The following NRL variants were observed in gnomAD, a reference collection of about 807,000 sequenced individuals.
NRL encodes the protein neural retina-specific leucine zipper protein.
In NRL, 16 loss-of-function variants were observed where a neutral mutation model predicts 12.5. That is an observed-to-expected ratio of 1.28 (90% confidence interval 0.87 to 1.95). NRL has a LOEUF of 1.95. Among genes scored for constraint, NRL ranks in the 30% most tolerant of loss-of-function variants. The pLI is 0.00. For synonymous variants in NRL, 142 were observed against 150.9 expected (o/e 0.94, Z 0.43); for missense variants, 314 against 325.8 (o/e 0.96, Z 0.28).
In NRL at chr14:24,110,119, CT is replaced by C. The variant is rs563374411; in HGVS notation, c.-28+4602del. On this transcript the variant is annotated intron_variant, in intron 1 of 2. Transcript: ENST00000561028. The stretch of plus-strand genomic sequence containing the variant: ...ATGTAATGAGCTGGGTATTATTATA[CT>C]TTTTTTTTTTTTCTTTGAGACGGGG... Among the ~76,000 whole-genome samples, 460 of 146,136 alleles carry C rather than the reference CT, an allele frequency of 3.1e-3. 1 individual carries two copies. The highest frequency in any genetic ancestry group is 8.6e-3 in the African/African-American group (344 of 40,152).
At chr14:24,089,442 C>T (rs999379019) in intron 1 of NRL, among the ~76,000 whole-genome samples, 3 of 151,754 alleles carry the variant, frequency 2.0e-5, no homozygotes, top group Non-Finnish European at 4.4e-5. Flanking sequence ...GAAGAAGTCT[C>T]ACTATGTTGT....
chr14:24,087,418 A>G (rs1566564119), intron 1 of NRL, among the ~76,000 whole-genome samples: 1 of 152,176 alleles, frequency 6.6e-6, no homozygotes, highest in Non-Finnish European at 1.5e-5. Context: ...ACCATGGGGA[A>G]AGAGGGGCAG....
intron 1 of NRL, chr14:24,084,793 T>G: frequency 1.2e-6 from 1 of 828,770 alleles, no homozygotes; most frequent in Non-Finnish European, 1.5e-6. Flanking sequence ...GTGTGCTTAT[T>G]CTCAAAGAAG....
intron 1 of NRL, chr14:24,099,314 C>A (rs1313396879): frequency 2.2e-6 from 3 of 1,376,260 alleles, no homozygotes; most frequent in African/African-American, 2.8e-5. Flanking sequence ...CTCAGCCTCA[C>A]CTCCCTCCTG....
chr14:24,100,164 T>C, intron 1 of NRL: 10 of 1,614,104 alleles, frequency 6.2e-6, no homozygotes, highest in Non-Finnish European at 6.8e-6. Context: ...ACCAGCCTCT[T>C]CCACCTGGTG....
rs111746269 is a variant in NRL at position 24,079,564 on chromosome 14, C to T, written c.*1672G>A. Among the ~76,000 whole-genome samples, 16 of 147,692 alleles carry T rather than the reference C, an allele frequency of 1.1e-4. No homozygotes were observed. Among genetic ancestry groups the T allele is most frequent in the African/African-American group, 3.5e-4 (14 of 39,736 alleles). On this transcript the variant is annotated 3_prime_UTR_variant, in exon 3 of 3. Transcript: ENST00000561028. ...AGGACTCCCATTGCAGGCTCCTAAG[C>T]GGAGGAGGGATGAGCTGGGATAGAG...
At chr14:24,109,288 G>T (rs994052084) in intron 1 of NRL, among the ~76,000 whole-genome samples, 1 of 152,098 alleles carries the variant, frequency 6.6e-6, no homozygotes, top group Non-Finnish European at 1.5e-5. Flanking sequence ...TTAAAGATAT[G>T]CCATTTTATT....
At chr14:24,110,749 C>T (rs1248639109) in intron 1 of NRL, among the ~76,000 whole-genome samples, 3 of 152,046 alleles carry the variant, frequency 2.0e-5, no homozygotes, top group Non-Finnish European at 4.4e-5. Context: ...TATGCATGTC[C>T]GGCCTAGATT....
In NRL at chr14:24,094,855, C is replaced by T. The variant is rs184974121; in HGVS notation, c.-27-11980G>A. 8.4e-5 allele frequency: 110 copies of T among 1,306,650 alleles called. No individual in the cohort carries two copies. In the African/African-American group the frequency reaches 1.6e-3, roughly 19 times the overall value. The allele number at this position is 1,306,650 out of a possible 1,614,324, so 80.9% of individuals were successfully genotyped here. A position where few individuals can be genotyped will look rare whatever the true frequency, so the allele number is the denominator to read the frequency against. On this transcript the variant is annotated intron_variant, in intron 1 of 2. Transcript: ENST00000561028. This position sits in a 1 kb window ranked among gnomAD's most constrained non-coding sequence, Gnocchi z 4.1. ...GGCCCTGGGGACAAGGGTACGTGAG[C>T]CCCGGGAGACTAAGCTCAGAGCCCC...
intron 1 of NRL, among the ~76,000 whole-genome samples, chr14:24,090,266 G>A (rs1247943791): frequency 3.7e-4 from 1 of 2,706 alleles, no homozygotes; most frequent in African/African-American, 4.4e-4. Context: ...TGGTTTACTC[G>A]GGGGGGGGGG....
At chr14:24,084,648 C>G (rs1223974472) in intron 1 of NRL, 2 of 985,278 alleles carry the variant, frequency 2.0e-6, no homozygotes, top group African/African-American at 3.5e-5. Context: ...GGCACAGAGC[C>G]CAAAGGGCAT....
rs556188574 is a variant in NRL, at chr14:24,104,411, C to T, written c.-28+10311G>A. 1.4e-4 allele frequency among the ~76,000 whole-genome samples: 21 copies of T among 150,582 alleles called. 1 individual carries two copies. The South Asian group carries it at 3.1e-3, about 23-fold the overall frequency. ...TTGGGAGGCTGAGGCGCACAGATCA[C>T]GAGGTCAGGGGATTGAGACCATCCG... On this transcript the variant is annotated intron_variant, in intron 1 of 2. Transcript: ENST00000561028.
intron 1 of NRL, among the ~76,000 whole-genome samples, chr14:24,113,415 C>CG (rs2037457876): frequency 6.6e-6 from 1 of 151,912 alleles, no homozygotes; most frequent in African/African-American, 2.4e-5. Context: ...TCTGGGAGAA[C>CG]GCAGGTAAAA....
intron 1 of NRL, among the ~76,000 whole-genome samples, chr14:24,108,406 C>T (rs2037370628): frequency 6.6e-6 from 1 of 152,104 alleles, no homozygotes; most frequent in African/African-American, 2.4e-5. Context: ...AGCGTGATCA[C>T]AGCTCACTGC....
At chr14:24,098,764 A>G in intron 1 of NRL, 2 of 1,166,580 alleles carry the variant, frequency 1.7e-6, no homozygotes, top group Non-Finnish European at 2.5e-6. Flanking sequence ...CACAGACCCT[A>G]AGAACCTGTC....
At chr14:24,100,224 TG>T in intron 1 of NRL, 1 of 1,613,886 alleles carries the variant, frequency 6.2e-7, no homozygotes, top group Non-Finnish European at 8.5e-7. Context: ...GTATGTGCGG[TG>T]GGGAAGGTGT....
intron 1 of NRL, chr14:24,098,454 A>G (rs1259489363): frequency 6.2e-7 from 1 of 1,613,772 alleles, no homozygotes; most frequent in Non-Finnish European, 8.5e-7. Context: ...CCCTTCATCC[A>G]GGGGATGCCT....
intron 1 of NRL, chr14:24,110,350 C>T: frequency 2.6e-6 from 1 of 391,214 alleles, no homozygotes. Context: ...GTCAAGCGAG[C>T]TGCCCGCCTC....
Position 24,114,890 on chromosome 14 carries a change from C to G in NRL, c.-196G>C. ...GCGGCAGTCGGTGTAAACAAGGCCT[C>G]GCGCCGCTGCGGGTCCTGCGACCGC... On this transcript the variant is annotated 5_prime_UTR_variant, in exon 1 of 3. Transcript: ENST00000561028. 1 of 985,934 alleles carries G rather than the reference C, an allele frequency of 1.0e-6. No individual in the cohort carries two copies. Among genetic ancestry groups the G allele is most frequent in the Non-Finnish European group, 1.2e-6 (1 of 829,942 alleles). 61.1% of individuals were successfully genotyped at this position (985,934 alleles called of 1,614,324 possible).
Sources: gnomAD v4.1 joint callset for allele counts (sites outside exome capture counted in the v4.1 genomes callset) on GRCh38, gnomAD v4.1.1 for gene constraint, Gnocchi (gnomAD v3.1) non-coding constraint, MANE v1.5 for transcripts, NCBI Gene and HGNC (gene_info 2026-07-23, HGNC 2026-07-21) for gene names.